Variants in CIRSR observed in about 807,000 individuals in gnomAD.
CIRSR encodes corepressor of RBPJ and splicing regulator.
At chr2:174,359,970 A>G in the CIRSR span, among the ~76,000 whole-genome samples, 1 of 152,346 alleles carries the variant, frequency 6.6e-6, no homozygotes, top group African/African-American at 2.4e-5. Flanking sequence ...ACAGAAAACC[A>G]AACACCGCAT....
At chr2:174,386,182 G>A in the CIRSR span, among the ~76,000 whole-genome samples, 1 of 150,544 alleles carries the variant, frequency 6.6e-6, no homozygotes, top group Non-Finnish European at 1.5e-5. Flanking sequence ...TAAGGTTTTT[G>A]TTGTTGTTGT....
At chr2:174,392,166 T>A in the CIRSR span, among the ~76,000 whole-genome samples, 1 of 152,092 alleles carries the variant, frequency 6.6e-6, no homozygotes, top group Non-Finnish European at 1.5e-5. Flanking sequence ...CCCAGCTAAT[T>A]TTTGTACTTT....
chr2:174,380,962 TGATAAA>T, the CIRSR span: 1 of 614,034 alleles, frequency 1.6e-6, no homozygotes, highest in Non-Finnish European at 2.6e-6. Flanking sequence ...TTCTTTCACA[TGATAAA>T]AATTCAGACT....
At chr2:174,392,608 A>G in the CIRSR span, among the ~76,000 whole-genome samples, 1 of 152,186 alleles carries the variant, frequency 6.6e-6, no homozygotes, top group Non-Finnish European at 1.5e-5. Context: ...GATGGATTCA[A>G]GAGATATTTG....
chr2:174,392,143 G>A, the CIRSR span, among the ~76,000 whole-genome samples: 10 of 152,020 alleles, frequency 6.6e-5, no homozygotes, highest in Admixed American at 2.6e-4. Context: ...GATTACAAGC[G>A]CCCGCCACCA....
the CIRSR span, among the ~76,000 whole-genome samples, chr2:174,357,081 A>G: frequency 2.0e-5 from 3 of 152,206 alleles, no homozygotes; most frequent in Non-Finnish European, 4.4e-5. Context: ...TTAGGATACA[A>G]ACAAGGTCCA....
chr2:174,358,171 T>G, the CIRSR span: 2 of 152,228 alleles, frequency 1.3e-5, no homozygotes, highest in Non-Finnish European at 1.5e-5. Context: ...CTGTCCTTAT[T>G]GTATGCTAGT....
chr2:174,350,801 G>A, the CIRSR span: 3 of 1,237,134 alleles, frequency 2.4e-6, no homozygotes, highest in Non-Finnish European at 3.4e-6. Flanking sequence ...GTAGTTAGTA[G>A]ATAAAAAAGA....
the CIRSR span, among the ~76,000 whole-genome samples, chr2:174,353,259 C>A: frequency 6.6e-6 from 1 of 152,044 alleles, no homozygotes; most frequent in East Asian, 1.9e-4. Context: ...AAACACCTGT[C>A]TTATATTAAT....
chr2:174,379,540 C>T, the CIRSR span, among the ~76,000 whole-genome samples: 6 of 152,014 alleles, frequency 3.9e-5, 1 homozygote, highest in African/African-American at 1.4e-4. Context: ...ATAGGCAAAG[C>T]GGTGTTCCAA....
the CIRSR span, among the ~76,000 whole-genome samples, chr2:174,391,539 G>A: frequency 6.6e-6 from 1 of 152,106 alleles, no homozygotes; most frequent in Non-Finnish European, 1.5e-5. Flanking sequence ...TCAGTGAGCT[G>A]AGACTGCATC....
the CIRSR span, among the ~76,000 whole-genome samples, chr2:174,393,409 C>G: frequency 6.6e-6 from 1 of 152,150 alleles, no homozygotes; most frequent in Non-Finnish European, 1.5e-5. Flanking sequence ...TTAAAACCTA[C>G]TGGACTTTTT....
chr2:174,354,961 G>A, the CIRSR span, among the ~76,000 whole-genome samples: 4 of 150,512 alleles, frequency 2.7e-5, no homozygotes, highest in African/African-American at 9.8e-5. Context: ...AATGCTCTTA[G>A]TAGTAATACT....
chr2:174,354,843 A>G, the CIRSR span, among the ~76,000 whole-genome samples: 1 of 141,298 alleles, frequency 7.1e-6, no homozygotes, highest in Non-Finnish European at 1.5e-5. Flanking sequence ...CTCAAATAAT[A>G]CACCTGCCTA....
the CIRSR span, chr2:174,380,862 A>C: frequency 8.2e-6 from 12 of 1,469,158 alleles, no homozygotes; most frequent in African/African-American, 2.8e-5. Context: ...TGACAAGTTA[A>C]AAACTTCAAT....
At chr2:174,353,345 TG>T in the CIRSR span, among the ~76,000 whole-genome samples, 380 of 152,384 alleles carry the variant, frequency 2.5e-3, no homozygotes, top group African/African-American at 8.7e-3. Flanking sequence ...ATTACTTTAA[TG>T]GCCCTTTAAT....
At chr2:174,356,550 G>GGACGGAAGGAAGGAAGGAAA in the CIRSR span, among the ~76,000 whole-genome samples, 1 of 144,616 alleles carries the variant, frequency 6.9e-6, no homozygotes, top group African/African-American at 2.5e-5. Flanking sequence ...AAGGAAGGAA[G>GGACGGAAGGAAGGAAGGAAA]GAAAGGAAGA....
the CIRSR span, among the ~76,000 whole-genome samples, chr2:174,369,746 G>C: frequency 6.6e-6 from 1 of 152,148 alleles, no homozygotes; most frequent in African/African-American, 2.4e-5. Context: ...GCAGTGGGTG[G>C]AGCATTCAGA....
At chr2:174,380,852 TGAC>T in the CIRSR span, 2 of 1,540,974 alleles carry the variant, frequency 1.3e-6, no homozygotes, top group Non-Finnish European at 1.8e-6. Context: ...AAAAAAGGTA[TGAC>T]AAGTTAAAAA....
Sources: gnomAD v4.1 joint callset for allele counts (sites outside exome capture counted in the v4.1 genomes callset) on GRCh38, gnomAD v4.1.1 for gene constraint, MANE v1.5 for transcripts, NCBI Gene and HGNC (gene_info 2026-07-23, HGNC 2026-07-21) for gene names.